The following CRB1 variants were observed in gnomAD, a reference collection of about 807,000 sequenced individuals.
CRB1 encodes crumbs cell polarity complex component 1.
CRB1 carries 83 observed loss-of-function variants against 120.0 expected under a neutral mutation model. The ratio of observed to expected loss-of-function variants is 0.69; its 90% CI spans 0.58 to 0.83. The LOEUF (loss-of-function observed/expected upper bound fraction) is 0.83. Among genes scored for constraint, CRB1 ranks in the 40% least tolerant of loss-of-function variants. The pLI, the probability that CRB1 is intolerant of heterozygous loss-of-function variation, is 0.00. For missense variants in CRB1, 1,699 were observed against 1,687.6 expected (o/e 1.01, Z -0.12); for synonymous variants, 625 against 612.5 (o/e 1.02, Z -0.30).
chr1:197,420,906 A>G (rs1664269103), intron 5 of CRB1, 94 bp from the exon 6 acceptor site: 9 of 864,284 alleles, frequency 1.0e-5, no homozygotes, highest in Non-Finnish European at 1.4e-5. Context: ...TGAGCTATTC[A>G]TGCACTTCTG....
At chr1:197,245,599 C>T in the CRB1 span, among the ~76,000 whole-genome samples, 1 of 152,186 alleles carries the variant, frequency 6.6e-6, no homozygotes, top group East Asian at 1.9e-4. Context: ...TACTGATTGT[C>T]TTTTCTTTTT....
rs1178650450 is a variant in CRB1 at position 197,421,577 on chromosome 1, C to T, written c.1749C>T (p.Ile583=). The T allele has an allele frequency of 5.0e-6, 8 of 1,614,086 alleles. No homozygotes were observed. The highest frequency in any genetic ancestry group is 2.7e-5 in the African/African-American group (2 of 74,916). ...CAGAGGCTGTGACCCTTACCTTAAT[C>T]GACGACTCCTGTAAGGAGAAATGCA... ...IFAEAVTLTL[I]DDSCKEKCIA... Residue 583 remains isoleucine, a synonymous_variant, in exon 6 of 12, where the codon ATC becomes ATT. Coordinates refer to ENST00000367400, the MANE Select transcript of CRB1 (RefSeq NM_201253.3).
the CRB1 span, among the ~76,000 whole-genome samples, chr1:197,255,994 T>TATATATAC: frequency 2.2e-5 from 3 of 133,890 alleles, no homozygotes; most frequent in African/African-American, 8.6e-5. Context: ...TATATATATA[T>TATATATAC]ATACACTACA....
At chr1:197,217,188 C>T in the CRB1 span, among the ~76,000 whole-genome samples, 1 of 152,056 alleles carries the variant, frequency 6.6e-6, no homozygotes, top group Non-Finnish European at 1.5e-5. Flanking sequence ...CAATAAAGTA[C>T]CATTTCATAC....
Position 197,438,549 on chromosome 1 carries a change from A to G in CRB1, c.3752A>G (p.Gln1251Arg), listed in dbSNP as rs777741268. Residue 1251 changes from glutamine (Q) to arginine (R), a missense_variant and splice_region_variant, in exon 10 of 12, where the codon CAG becomes CGG. Coordinates refer to ENST00000367400, the MANE Select transcript of CRB1 (RefSeq NM_201253.3). Reference sequence around the variant, plus strand: ...GGCTCTTGCTTTTATCTCTCTAGACAGAGCAGATTACCCTCAACAGTCTGT... The same window carrying G: ...GGCTCTTGCTTTTATCTCTCTAGACGGAGCAGATTACCCTCAACAGTCTGT... ...FGNFTGKFCR[Q>R]SRLPSTVCGN... The G allele has an allele frequency of 4.3e-6, 7 of 1,612,140 alleles. No individual in the cohort carries two copies. The highest frequency in any genetic ancestry group is 5.9e-6 in the Non-Finnish European group (7 of 1,178,610).
chr1:197,276,646 T>C (rs1305343118), intron 1 of CRB1, among the ~76,000 whole-genome samples: 1 of 151,878 alleles, frequency 6.6e-6, no homozygotes, highest in Non-Finnish European at 1.5e-5. Flanking sequence ...TCACAGTGAA[T>C]AATATTTTGA....
intron 11 of CRB1, among the ~76,000 whole-genome samples, chr1:197,454,718 G>A (rs1558153229): frequency 6.6e-6 from 1 of 152,142 alleles, no homozygotes; most frequent in Non-Finnish European, 1.5e-5. Flanking sequence ...CAGCATTTTT[G>A]TTAGCTGTCA....
intron 2 of CRB1, among the ~76,000 whole-genome samples, chr1:197,337,233 C>T (rs147405195): frequency 2.8e-4 from 42 of 152,276 alleles, no homozygotes; most frequent in African/African-American, 7.5e-4. Context: ...TGAGCCAGAA[C>T]GACAGCTTTC....
At chr1:197,223,900 G>A in the CRB1 span, among the ~76,000 whole-genome samples, 1 of 152,056 alleles carries the variant, frequency 6.6e-6, no homozygotes. Flanking sequence ...TAGCCTTGTG[G>A]AGTATAGATG....
intron 11 of CRB1, chr1:197,443,486 C>T (rs987566390): frequency 1.3e-5 from 2 of 151,764 alleles, no homozygotes; most frequent in African/African-American, 4.8e-5. Flanking sequence ...ATCAAATGGA[C>T]TAATTTCAGT....
the CRB1 span, among the ~76,000 whole-genome samples, chr1:197,248,572 T>C: frequency 6.6e-6 from 1 of 151,990 alleles, no homozygotes. Context: ...GAGAGTTGTC[T>C]AGGGCTTAAA....
intron 5 of CRB1, 99 bp from the exon 6 acceptor site, chr1:197,420,901 T>C (rs909413971): frequency 2.5e-5 from 21 of 833,108 alleles, no homozygotes; most frequent in Non-Finnish European, 3.9e-5. Flanking sequence ...AAACCTGAGC[T>C]ATTCATGCAC....
chr1:197,334,434 G>A (rs1659032046), intron 2 of CRB1, among the ~76,000 whole-genome samples: 1 of 152,144 alleles, frequency 6.6e-6, no homozygotes, highest in Non-Finnish European at 1.5e-5. Flanking sequence ...GAGGTATTTA[G>A]GCCATGAGGA....
chr1:197,425,052 C>T (rs1268632164), intron 6 of CRB1, among the ~76,000 whole-genome samples: 3 of 152,162 alleles, frequency 2.0e-5, no homozygotes, highest in Non-Finnish European at 4.4e-5. Context: ...TAATCCAGAT[C>T]CACAAAGTGA....
chr1:197,243,450 A>G, the CRB1 span, among the ~76,000 whole-genome samples: 2 of 152,138 alleles, frequency 1.3e-5, no homozygotes, highest in African/African-American at 4.8e-5. Flanking sequence ...GTAGTCATTC[A>G]GGAGGAGGTT....
At position 197,355,599 on chromosome 1, in the gene CRB1, G is replaced by A. The variant is rs542172228; in HGVS notation, c.989-1232G>A. 6.0e-4 allele frequency among the ~76,000 whole-genome samples: 91 copies of A among 152,326 alleles called. 2 individuals are homozygous for A. The highest frequency in any genetic ancestry group is 5.0e-3 in the Admixed American group (77 of 15,312). ...AGAGCAGCACTGGTGTGCTGGCACT[G>A]CTGGGGGCTCCTGCGTACCCTCCAC... On this transcript the variant is annotated intron_variant, in intron 4 of 11. Transcript: ENST00000367400.
At chr1:197,335,716 C>T (rs1293277342) in intron 2 of CRB1, among the ~76,000 whole-genome samples, 5 of 152,052 alleles carry the variant, frequency 3.3e-5, no homozygotes, top group Non-Finnish European at 7.4e-5. Flanking sequence ...GCCAGGGTGG[C>T]CTCGATCTCC....
chr1:197,255,261 A>G, the CRB1 span, among the ~76,000 whole-genome samples: 1 of 152,064 alleles, frequency 6.6e-6, no homozygotes, highest in African/African-American at 2.4e-5. Context: ...AAAATAGGAA[A>G]AAATTAAAAT....
At chr1:197,358,958 T>C (rs1307789862) in intron 5 of CRB1, among the ~76,000 whole-genome samples, 1 of 152,246 alleles carries the variant, frequency 6.6e-6, no homozygotes, top group Non-Finnish European at 1.5e-5. Flanking sequence ...ACCTAGATCT[T>C]CTGATTCTAA....
Sources: allele counts gnomAD v4.1 joint callset (sites outside exome capture counted in the v4.1 genomes callset), GRCh38; gene constraint gnomAD v4.1.1; transcripts MANE v1.5; gene names NCBI Gene and HGNC (gene_info 2026-07-23, HGNC 2026-07-21).